B4GALT4: variants seen among roughly 807,000 people sequenced by gnomAD.
B4GALT4 encodes the protein beta-1,4-galactosyltransferase 4.
A neutral mutation model predicts 37.3 loss-of-function variants in B4GALT4; 27 were observed. The ratio of observed to expected loss-of-function variants is 0.72; its 90% CI spans 0.53 to 1.00. B4GALT4 has a LOEUF of 1.00. Ranked by LOEUF, B4GALT4 falls within the 50% of genes least tolerant of loss-of-function variation. The pLI, the probability that B4GALT4 is intolerant of heterozygous loss-of-function variation, is 0.00. For missense variants in B4GALT4, 372 were observed against 413.1 expected, an observed-to-expected ratio of 0.90 and a Z score of 0.86; for synonymous variants, 148 against 154.1, an observed-to-expected ratio of 0.96 and a Z score of 0.29.
intron 2 of B4GALT4, among the ~76,000 whole-genome samples, chr3:119,231,233 A>C (rs992997673): frequency 6.6e-6 from 1 of 152,172 alleles, no homozygotes; most frequent in African/African-American, 2.4e-5. Flanking sequence ...ATTATTGACA[A>C]AAATCATGTT....
chr3:119,235,965 T>C (rs781022182), intron 2 of B4GALT4, among the ~76,000 whole-genome samples: 7 of 152,066 alleles, frequency 4.6e-5, no homozygotes, highest in South Asian at 2.1e-4. Context: ...AAGTGAGCGA[T>C]GGAAAAAAAA....
At chr3:119,232,791 T>C (rs996407243) in intron 2 of B4GALT4, among the ~76,000 whole-genome samples, 3 of 152,108 alleles carry the variant, frequency 2.0e-5, no homozygotes, top group East Asian at 1.9e-4. Context: ...ACTGGGAACA[T>C]TGCTTATCTT....
In B4GALT4 at chr3:119,224,075, C is replaced by T. The variant is rs922253549; in HGVS notation, c.657G>A (p.Arg219=). 1 of 1,613,478 alleles carries T rather than the reference C, an allele frequency of 6.2e-7. No individual in the cohort carries two copies. The highest frequency in any genetic ancestry group is 1.7e-5 in the Admixed American group (1 of 59,914). The change falls in exon 5 of 8, where the codon AGG becomes AGA. Residue 219 remains arginine, a synonymous_variant. Coordinates refer to ENST00000393765, the MANE Select transcript of B4GALT4 (RefSeq NM_003778.4). ...CACCTTACCTGTACCCAGTGCTGTT[C>T]CTGCCAACCACCAGATGCTTGGGAT... The part of the protein sequence containing the change: ...EEHPKHLVVG[R]NSTGYRLRYS...
rs1210292557 is a variant in B4GALT4 at position 119,231,963 on chromosome 3, A to T, written c.-145-1719T>A. Reference sequence around the variant, plus strand: ...CAGTCTTACAATGAAAACAAAGTGAATTTTTTTAATGGTGAATAGAGAGGC... The same window carrying T: ...CAGTCTTACAATGAAAACAAAGTGATTTTTTTTAATGGTGAATAGAGAGGC... On this transcript the variant is annotated intron_variant, in intron 2 of 7. Transcript: ENST00000393765. Among the ~76,000 whole-genome samples the T allele has an allele frequency of 5.3e-5, 8 of 151,620 alleles. No individual in the cohort carries two copies. The East Asian group carries it at 1.3e-3, about 26-fold the overall frequency.
At chr3:119,227,324 A>C (rs2078654014) in intron 3 of B4GALT4, among the ~76,000 whole-genome samples, 1 of 152,198 alleles carries the variant, frequency 6.6e-6, no homozygotes, top group South Asian at 2.1e-4. Flanking sequence ...GTAAGAGGGA[A>C]TATCCTGGTG....
At chr3:119,224,352 A>C in intron 4 of B4GALT4, 107 bp from the exon 5 acceptor site, 2 of 695,238 alleles carry the variant, frequency 2.9e-6, no homozygotes, top group Non-Finnish European at 2.2e-6. Context: ...TATTCTACGC[A>C]CGAGACTACA....
intron 5 of B4GALT4, 144 bp from the exon 6 acceptor site, chr3:119,218,916 A>G: frequency 2.1e-6 from 2 of 940,400 alleles, no homozygotes; most frequent in South Asian, 1.6e-5. Flanking sequence ...CCACCTCCCA[A>G]TGCTCCTGGC....
chr3:119,218,512 C>A, intron 6 of B4GALT4, 138 bp downstream of exon 6: 1 of 1,231,966 alleles, frequency 8.1e-7, no homozygotes, highest in Non-Finnish European at 1.1e-6. Flanking sequence ...CTTCCCTCCA[C>A]CCCCTGCACC....
chr3:119,221,016 G>A lies in B4GALT4; in HGVS notation c.675-2244C>T, dbSNP rs557086945. Among the ~76,000 whole-genome samples, 4 of 151,698 alleles carry A rather than the reference G, an allele frequency of 2.6e-5. No homozygotes were observed. In the East Asian group the frequency reaches 5.8e-4, roughly 22 times the overall value. Reference sequence around the variant, plus strand: ...AAAAAAAAAAGGAACTGTTTCTCAGGTGCCTGTCAGATGACAACTATCTCT... The same window carrying A: ...AAAAAAAAAAGGAACTGTTTCTCAGATGCCTGTCAGATGACAACTATCTCT... On this transcript the variant is annotated intron_variant, in intron 5 of 7. Transcript: ENST00000393765.
rs200134274 is a variant in B4GALT4 at position 119,218,748 on chromosome 3, C to T, written c.699G>A (p.Gly233=). Residue 233 remains glycine (G), a synonymous_variant, in exon 6 of 8, where the codon GGG becomes GGA. Transcript: ENST00000393765. The stretch of plus-strand genomic sequence containing the variant: ...GCTCTCTGCTTAGGGCAGTAACACC[C>T]CCAAAATATCCACTGTAACGTAACC... ...GYRLRYSGYF[G]GVTALSREQF... is the part of the protein sequence containing the mutation. The T allele has an allele frequency of 6.2e-7, 1 of 1,614,056 alleles. No homozygotes were observed. Among genetic ancestry groups the T allele is most frequent in the Non-Finnish European group, 8.5e-7 (1 of 1,179,976 alleles).
At position 119,223,437 on chromosome 3, in the gene B4GALT4, G is replaced by A. The variant is rs142824820; in HGVS notation, c.674+621C>T. 9.0e-3 allele frequency among the ~76,000 whole-genome samples: 1,370 copies of A among 152,344 alleles called. 12 individuals are homozygous for A. The highest frequency in any genetic ancestry group is 0.015 in the Non-Finnish European group (1,021 of 68,028). ...TTCCCGCTTGGTTGTGCTTGAATAG[G>A]AGCTGGTGAATCAAATAAGGCTGAA... On this transcript the variant is annotated intron_variant, in intron 5 of 7. Transcript: ENST00000393765.
intron 2 of B4GALT4, among the ~76,000 whole-genome samples, chr3:119,235,576 C>T (rs937938191): frequency 6.6e-6 from 1 of 152,186 alleles, no homozygotes; most frequent in African/African-American, 2.4e-5. Flanking sequence ...TGCAGAGTTC[C>T]TAGGAGTTTA....
chr3:119,232,897 C>G (rs1176036322), intron 2 of B4GALT4: 1 of 152,216 alleles, frequency 6.6e-6, no homozygotes, highest in East Asian at 1.9e-4. Flanking sequence ...CAACCTCTAC[C>G]TCCCGGTTCA....
At chr3:119,220,951 A>T (rs1209915861) in intron 5 of B4GALT4, among the ~76,000 whole-genome samples, 1 of 150,050 alleles carries the variant, frequency 6.7e-6, no homozygotes, top group Non-Finnish European at 1.5e-5. Context: ...GCACCGCTGC[A>T]CTCCAGCCTG....
At chr3:119,217,934 A>T (rs2078340210) in intron 6 of B4GALT4, among the ~76,000 whole-genome samples, 1 of 151,744 alleles carries the variant, frequency 6.6e-6, no homozygotes, top group Non-Finnish European at 1.5e-5. Flanking sequence ...TGGCCTTGTG[A>T]TTACAAGTCT....
At chr3:119,238,555 A>G (rs2079053347) in intron 1 of B4GALT4, among the ~76,000 whole-genome samples, 5 of 152,202 alleles carry the variant, frequency 3.3e-5, no homozygotes, top group Admixed American at 3.3e-4. Context: ...ATACGGTAAG[A>G]TATTTTGAGA....
At chr3:119,224,025 C>T (rs775733341) in intron 5 of B4GALT4, 33 bp downstream of exon 5, 17 of 1,571,186 alleles carry the variant, frequency 1.1e-5, no homozygotes, top group African/African-American at 4.1e-5. Flanking sequence ...TTGAGCTTCT[C>T]GACCTAAGCC....
intron 2 of B4GALT4, 192 bp from the exon 3 acceptor site, chr3:119,230,436 ACT>A (rs1354562857): frequency 3.4e-5 from 9 of 263,584 alleles, no homozygotes; most frequent in Admixed American, 1.5e-4. Flanking sequence ...TCACAGAAGC[ACT>A]CTCTAGTTTA....
Position 119,212,033 on chromosome 3 carries a change from C to T in B4GALT4, c.*516G>A, listed in dbSNP as rs1054699215. 2 of 650,294 alleles carry T rather than the reference C, an allele frequency of 3.1e-6. No homozygotes were observed. Among genetic ancestry groups the T allele is most frequent in the African/African-American group, 1.8e-5 (1 of 55,562 alleles). The allele number at this position is 650,294 out of a possible 1,614,324, so 40.3% of individuals were successfully genotyped here. ...TTCCCAAGTTCACTGTGTCCTGATT[C>T]GTCGCCTTTTCTCCCCTCTTTTGTG... On this transcript the variant is annotated 3_prime_UTR_variant, in exon 8 of 8. Coordinates refer to ENST00000393765, the MANE Select transcript of B4GALT4 (RefSeq NM_003778.4).
Sources: allele counts gnomAD v4.1 joint callset (sites outside exome capture counted in the v4.1 genomes callset), GRCh38; gene constraint gnomAD v4.1.1; transcripts MANE v1.5; gene names NCBI Gene and HGNC (gene_info 2026-07-23, HGNC 2026-07-21).